Variants in FRMD4B observed in about 807,000 individuals in gnomAD.
FRMD4B encodes FERM domain-containing protein 4B.
FRMD4B carries 74 observed loss-of-function variants against 141.5 expected under a neutral mutation model. The observed-to-expected ratio is 0.52, with a 90% CI of 0.43 to 0.63. FRMD4B has a LOEUF of 0.63. FRMD4B is among the 30% of genes least tolerant of loss of function. FRMD4B has a pLI of 0.00. For missense variants in FRMD4B, 1,366 were observed against 1,253.4 expected (o/e 1.09, Z -1.36); for synonymous variants, 506 against 467.9 (o/e 1.08, Z -1.05).
At chr3:69,324,545 T>A (rs1702117640) in intron 1 of FRMD4B, among the ~76,000 whole-genome samples, 1 of 152,226 alleles carries the variant, frequency 6.6e-6, no homozygotes, top group South Asian at 2.1e-4. Context: ...CCCTGACCTC[T>A]ACCCACTAGA....
intron 22 of FRMD4B, among the ~76,000 whole-genome samples, chr3:69,173,868 G>A (rs761279393): frequency 1.8e-4 from 28 of 152,340 alleles, no homozygotes; most frequent in African/African-American, 6.7e-4. Flanking sequence ...GCTGGGCGCC[G>A]TGGGTTACAC....
intron 1 of FRMD4B, among the ~76,000 whole-genome samples, chr3:69,500,088 G>A (rs1017876275): frequency 3.5e-4 from 54 of 152,312 alleles, no homozygotes; most frequent in African/African-American, 1.3e-3. Flanking sequence ...TTGGCTTCTT[G>A]CCTTCTACAG....
chr3:69,481,948 A>G (rs191979895), intron 1 of FRMD4B, among the ~76,000 whole-genome samples: 33 of 152,372 alleles, frequency 2.2e-4, no homozygotes, highest in Admixed American at 1.2e-3. Flanking sequence ...AGCCAAGCAG[A>G]AAATCCCACA....
intron 2 of FRMD4B, among the ~76,000 whole-genome samples, chr3:69,405,578 G>T (rs1354178935): frequency 6.6e-6 from 1 of 152,204 alleles, no homozygotes; most frequent in Non-Finnish European, 1.5e-5. Flanking sequence ...AGAAGAAGAA[G>T]GTAGAAGGAT....
chr3:69,412,355 G>C (rs1335446488), intron 2 of FRMD4B, among the ~76,000 whole-genome samples: 1 of 152,216 alleles, frequency 6.6e-6, no homozygotes, highest in East Asian at 1.9e-4. Flanking sequence ...AGTTGTTACT[G>C]GAGTCAGACT....
At chr3:69,328,505 T>G (rs894450549) in intron 1 of FRMD4B, among the ~76,000 whole-genome samples, 1 of 152,144 alleles carries the variant, frequency 6.6e-6, no homozygotes, top group Non-Finnish European at 1.5e-5. Flanking sequence ...TGAGACCTAC[T>G]GGGCTGCATT....
chr3:69,254,420 C>A (rs2093480539), intron 5 of FRMD4B, among the ~76,000 whole-genome samples: 1 of 152,140 alleles, frequency 6.6e-6, no homozygotes, highest in African/African-American at 2.4e-5. Context: ...AAACCCACAA[C>A]TTTTGAGTGA....
intron 1 of FRMD4B, among the ~76,000 whole-genome samples, chr3:69,342,458 A>C (rs889168666): frequency 2.6e-5 from 4 of 152,206 alleles, no homozygotes; most frequent in Non-Finnish European, 5.9e-5. Flanking sequence ...ACAGGCCCTG[A>C]AAAAAGATTA....
chr3:69,471,504 A>C (rs1705891519), intron 1 of FRMD4B: 1 of 257,898 alleles, frequency 3.9e-6, no homozygotes, highest in Admixed American at 4.0e-5. Flanking sequence ...GGTAAGCGTC[A>C]GAAGAAGATC....
intron 7 of FRMD4B, among the ~76,000 whole-genome samples, chr3:69,226,219 T>G (rs1009268804): frequency 1.3e-5 from 2 of 152,166 alleles, no homozygotes; most frequent in Non-Finnish European, 2.9e-5. Context: ...CTCCTGTTCT[T>G]ACATAAGAAT....
intron 21 of FRMD4B, among the ~76,000 whole-genome samples, chr3:69,177,771 G>C (rs968980146): frequency 6.6e-6 from 1 of 152,180 alleles, no homozygotes; most frequent in African/African-American, 2.4e-5. Context: ...TAAAGGTAAG[G>C]TGATGAGTCT....
At chr3:69,481,875 C>T (rs1706130269) in intron 1 of FRMD4B, among the ~76,000 whole-genome samples, 1 of 152,108 alleles carries the variant, frequency 6.6e-6, no homozygotes, top group Non-Finnish European at 1.5e-5. Context: ...AACAGTGGCT[C>T]CTACAGCAAC....
At position 69,385,886 on chromosome 3, in the gene FRMD4B, C is replaced by T; in HGVS notation, c.104G>A (p.Arg35Lys). ...VSTLRRWYTE[R>K]LRACHQVLRT... ...CAGCACCTGGTGGCAAGCCCGCAGC[C>T]TCTCCGTGTACCATCTCCGCAGCGT... The change falls in exon 1 of 23, where the codon AGG becomes AAG. Residue 35 changes from arginine (R) to lysine (K), a missense_variant. Coordinates refer to ENST00000398540, the MANE Select transcript of FRMD4B (RefSeq NM_015123.3). 1 of 1,601,326 alleles carries T rather than the reference C, an allele frequency of 6.2e-7. No homozygotes were observed. Among genetic ancestry groups the T allele is most frequent in the Non-Finnish European group, 8.5e-7 (1 of 1,174,670 alleles).
chr3:69,489,618 C>A (rs1041477020), intron 1 of FRMD4B, among the ~76,000 whole-genome samples: 4 of 152,134 alleles, frequency 2.6e-5, no homozygotes, highest in African/African-American at 9.7e-5. Context: ...GAAACAAGAA[C>A]CTTCACACAC....
chr3:69,343,382 C>A (rs982741367), intron 1 of FRMD4B, among the ~76,000 whole-genome samples: 1 of 152,068 alleles, frequency 6.6e-6, no homozygotes, highest in African/African-American at 2.4e-5. Flanking sequence ...TCTCTTTGTC[C>A]GTTAGGTGTG....
intron 1 of FRMD4B, among the ~76,000 whole-genome samples, chr3:69,498,815 A>T (rs1706447397): frequency 6.6e-6 from 1 of 152,206 alleles, no homozygotes; most frequent in Non-Finnish European, 1.5e-5. Context: ...ATTTATACCC[A>T]GGACTTATTC....
At chr3:69,398,130 G>A (rs949305091) in intron 2 of FRMD4B, among the ~76,000 whole-genome samples, 1 of 152,134 alleles carries the variant, frequency 6.6e-6, no homozygotes, top group African/African-American at 2.4e-5. Context: ...AAAAAACCTA[G>A]AGGAAAATAT....
chr3:69,357,665 T>G (rs1408441363), intron 1 of FRMD4B, among the ~76,000 whole-genome samples: 4 of 152,172 alleles, frequency 2.6e-5, no homozygotes, highest in Non-Finnish European at 5.9e-5. Flanking sequence ...AACTATCACT[T>G]TCATCACAGA....
At chr3:69,416,649 G>A (rs371298593) in intron 2 of FRMD4B, among the ~76,000 whole-genome samples, 93 of 152,054 alleles carry the variant, frequency 6.1e-4, no homozygotes, top group African/African-American at 2.2e-3. Flanking sequence ...CCATCATCTA[G>A]GTTTTAAGCC....
Sources: gnomAD v4.1 joint callset for allele counts (sites outside exome capture counted in the v4.1 genomes callset) on GRCh38, gnomAD v4.1.1 for gene constraint, MANE v1.5 for transcripts, NCBI Gene and HGNC (gene_info 2026-07-23, HGNC 2026-07-21) for gene names.